The following TTC28 variants were observed in gnomAD, a reference collection of about 807,000 sequenced individuals.
TTC28 encodes tetratricopeptide repeat protein 28.
Under a neutral mutation model 198.0 loss-of-function variants are expected in TTC28, and 61 were observed. The observed-to-expected ratio is 0.31, with a 90% CI of 0.25 to 0.38. The LOEUF (loss-of-function observed/expected upper bound fraction) is 0.38. Ranked by LOEUF, TTC28 falls within the 10% of genes least tolerant of loss-of-function variation. The probability of loss-of-function intolerance (pLI) is 1.00; values close to 1 mark genes in which losing one functional copy is unlikely to be tolerated. For synonymous variants in TTC28, 1,171 were observed against 1,297.8 expected, an observed-to-expected ratio of 0.90 and a Z score of 2.10; for missense variants, 2,678 against 3,164.0, an observed-to-expected ratio of 0.85 and a Z score of 3.69.
At chr22:28,441,669 C>T (rs868551503) in intron 2 of TTC28, among the ~76,000 whole-genome samples, 7 of 152,154 alleles carry the variant, frequency 4.6e-5, no homozygotes, top group Admixed American at 2.0e-4. Flanking sequence ...TCTTCTCATG[C>T]ACCTCACACA....
intron 12 of TTC28, among the ~76,000 whole-genome samples, chr22:28,057,977 G>A (rs959012991): frequency 6.6e-6 from 1 of 152,056 alleles, no homozygotes; most frequent in South Asian, 2.1e-4. Context: ...GTGCCACACT[G>A]TCTTGATTAC....
chr22:28,327,231 T>G (rs2045546954), intron 2 of TTC28, among the ~76,000 whole-genome samples: 1 of 152,202 alleles, frequency 6.6e-6, no homozygotes, highest in African/African-American at 2.4e-5. Context: ...TATTCACAGA[T>G]TCTGTATCCG....
intron 2 of TTC28, among the ~76,000 whole-genome samples, chr22:28,599,345 A>C (rs2050599894): frequency 6.6e-6 from 1 of 152,244 alleles, no homozygotes; most frequent in African/African-American, 2.4e-5. Flanking sequence ...TAGTTTTTAG[A>C]ATAAACTTTT....
At chr22:28,587,603 C>T (rs542676268) in intron 2 of TTC28, among the ~76,000 whole-genome samples, 7 of 151,918 alleles carry the variant, frequency 4.6e-5, no homozygotes, top group East Asian at 2.0e-4. Flanking sequence ...TACACCACCA[C>T]GCCTGGCTAA....
rs546615345 is a variant in TTC28 at position 28,326,297 on chromosome 22, G to A, written c.382-19654C>T. Among the ~76,000 whole-genome samples, 23 of 152,142 alleles carry A rather than the reference G, an allele frequency of 1.5e-4. No individual in the cohort carries two copies. In the South Asian group the frequency reaches 4.6e-3, roughly 30 times the overall value. On this transcript the variant is annotated intron_variant, in intron 2 of 22. Coordinates refer to ENST00000397906, the MANE Select transcript of TTC28 (RefSeq NM_001145418.2). ...AAGTATAGCAATTAGTTGTTGCCAG[G>A]GTTTTAAAGGTAGAAAATTTAGAAG...
intron 12 of TTC28, among the ~76,000 whole-genome samples, chr22:28,072,845 G>A (rs1941044673): frequency 6.6e-6 from 1 of 152,184 alleles, no homozygotes; most frequent in Admixed American, 6.5e-5. Flanking sequence ...CACACAATGG[G>A]GCCTCATAGC....
intron 5 of TTC28, among the ~76,000 whole-genome samples, chr22:28,176,762 T>A (rs1204045140): frequency 6.6e-6 from 1 of 152,200 alleles, no homozygotes; most frequent in Non-Finnish European, 1.5e-5. Context: ...ATAAATATAA[T>A]AACTAATCTT....
intron 2 of TTC28, among the ~76,000 whole-genome samples, chr22:28,595,817 G>A (rs1030599415): frequency 3.9e-5 from 6 of 152,106 alleles, no homozygotes; most frequent in East Asian, 1.9e-4. Flanking sequence ...CCAGCTACTC[G>A]GGAGGCTGAG....
intron 5 of TTC28, among the ~76,000 whole-genome samples, chr22:28,221,784 C>G (rs1259599178): frequency 6.6e-6 from 1 of 152,182 alleles, no homozygotes; most frequent in South Asian, 2.1e-4. Context: ...GTTACTTTTT[C>G]TGTGAAATGG....
intron 2 of TTC28, among the ~76,000 whole-genome samples, chr22:28,533,786 C>A (rs1311600770): frequency 6.6e-6 from 1 of 152,088 alleles, no homozygotes; most frequent in Non-Finnish European, 1.5e-5. Context: ...CTTTGACAAA[C>A]CTGACAAAAA....
intron 12 of TTC28, among the ~76,000 whole-genome samples, chr22:28,035,495 C>T (rs550932910): frequency 4.6e-4 from 70 of 152,232 alleles, no homozygotes; most frequent in Non-Finnish European, 7.8e-4. Context: ...CCAGGTCTAA[C>T]TGTGCCAGCA....
chr22:28,605,480 C>T (rs149936402), intron 2 of TTC28, among the ~76,000 whole-genome samples: 48 of 152,270 alleles, frequency 3.2e-4, no homozygotes, highest in African/African-American at 1.1e-3. Flanking sequence ...TTTGTGCCCT[C>T]TAACATGTAC....
At chr22:28,036,939 C>T (rs1170822865) in intron 12 of TTC28, among the ~76,000 whole-genome samples, 2 of 152,150 alleles carry the variant, frequency 1.3e-5, no homozygotes, top group South Asian at 2.1e-4. Context: ...ATAAATTCCT[C>T]GACACATACA....
At chr22:28,344,186 A>C (rs1178312735) in intron 2 of TTC28, among the ~76,000 whole-genome samples, 1 of 151,320 alleles carries the variant, frequency 6.6e-6, no homozygotes, top group African/African-American at 2.4e-5. Context: ...CTATATTCAA[A>C]ACAAGTACCT....
chr22:28,207,554 A>C (rs1926533307), intron 5 of TTC28, among the ~76,000 whole-genome samples: 1 of 152,152 alleles, frequency 6.6e-6, no homozygotes, highest in South Asian at 2.1e-4. Flanking sequence ...TGACTCTTAC[A>C]GTTTCTTAAC....
chr22:28,383,510 C>T, intron 2 of TTC28, among the ~76,000 whole-genome samples: 1 of 152,176 alleles, frequency 6.6e-6, no homozygotes, highest in East Asian at 1.9e-4. Flanking sequence ...ACATCAAAAA[C>T]TGAACTCTTA....
At position 28,164,282 on chromosome 22, in the gene TTC28, C is replaced by A. The variant is rs550627571; in HGVS notation, c.934-683G>T. Among the ~76,000 whole-genome samples the A allele has an allele frequency of 9.2e-4, 140 of 152,304 alleles. 1 individual carries two copies. The highest frequency in any genetic ancestry group is 3.2e-3 in the African/African-American group (133 of 41,570). On this transcript the variant is annotated intron_variant, in intron 5 of 22. Coordinates refer to ENST00000397906, the MANE Select transcript of TTC28 (RefSeq NM_001145418.2). Reference sequence around the variant, plus strand: ...AGACTTAAATGTCCCTGTCTGACAGCTTTGAAGAGAGTAGTGGTTCTCCCA... The same window carrying A: ...AGACTTAAATGTCCCTGTCTGACAGATTTGAAGAGAGTAGTGGTTCTCCCA...
intron 12 of TTC28, among the ~76,000 whole-genome samples, chr22:28,039,433 C>G (rs1019026768): frequency 6.6e-6 from 1 of 150,996 alleles, no homozygotes; most frequent in Non-Finnish European, 1.5e-5. Context: ...AAAAACCAAA[C>G]ACGGCATGTT....
At chr22:28,112,234 G>A (rs1393842922) in intron 6 of TTC28, among the ~76,000 whole-genome samples, 1 of 152,090 alleles carries the variant, frequency 6.6e-6, no homozygotes, top group Non-Finnish European at 1.5e-5. Flanking sequence ...AAACCTAGTA[G>A]GACCAGTATT....
Sources: gnomAD v4.1 joint callset for allele counts (sites outside exome capture counted in the v4.1 genomes callset) on GRCh38, gnomAD v4.1.1 for gene constraint, MANE v1.5 for transcripts, NCBI Gene and HGNC (gene_info 2026-07-23, HGNC 2026-07-21) for gene names.